GRM8: variants seen among roughly 807,000 people sequenced by gnomAD.
GRM8 encodes the protein metabotropic glutamate receptor 8.
In GRM8, 47 loss-of-function variants were observed where a neutral mutation model predicts 87.2. The observed-to-expected ratio is 0.54, with a 90% CI of 0.43 to 0.69. The LOEUF is 0.69. Among genes scored for constraint, GRM8 ranks in the 30% least tolerant of loss-of-function variants. The pLI is 0.00. For missense variants in GRM8, 1,019 were observed against 1,139.2 expected (o/e 0.89, Z 1.52); for synonymous variants, 396 against 404.5 (o/e 0.98, Z 0.25).
At chr7:126,730,432 C>T (rs1399357872) in intron 7 of GRM8, among the ~76,000 whole-genome samples, 1 of 152,074 alleles carries the variant, frequency 6.6e-6, no homozygotes, top group African/African-American at 2.4e-5. Context: ...ACCAGCTGGA[C>T]TGGAAATACA....
At chr7:126,995,079 C>A (rs952055751) in intron 3 of GRM8, among the ~76,000 whole-genome samples, 1 of 152,202 alleles carries the variant, frequency 6.6e-6, no homozygotes, top group Non-Finnish European at 1.5e-5. Context: ...AAGAAAGTAG[C>A]AGAAGATAAC....
intron 7 of GRM8, among the ~76,000 whole-genome samples, chr7:126,673,708 G>A (rs913410775): frequency 6.6e-6 from 1 of 152,120 alleles, no homozygotes; most frequent in Non-Finnish European, 1.5e-5. Flanking sequence ...TAACTTTTTA[G>A]TTGTTATTTT....
At chr7:126,496,145 T>G (rs1361264133) in intron 9 of GRM8, among the ~76,000 whole-genome samples, 2 of 151,706 alleles carry the variant, frequency 1.3e-5, no homozygotes, top group African/African-American at 4.8e-5. Context: ...AGAGATTTTA[T>G]TTTGGAAATA....
intron 7 of GRM8, among the ~76,000 whole-genome samples, chr7:126,731,074 A>T (rs1311552086): frequency 6.6e-6 from 1 of 152,148 alleles, no homozygotes; most frequent in Non-Finnish European, 1.5e-5. Flanking sequence ...AAGAATGAAG[A>T]CTTTAGATGA....
intron 7 of GRM8, among the ~76,000 whole-genome samples, chr7:126,703,718 C>G (rs764647030): frequency 1.3e-5 from 2 of 152,098 alleles, no homozygotes; most frequent in Non-Finnish European, 2.9e-5. Context: ...CTCTGCCATA[C>G]CTGGCTAATT....
chr7:126,852,814 A>G (rs1177841787), intron 6 of GRM8, among the ~76,000 whole-genome samples: 4 of 152,090 alleles, frequency 2.6e-5, no homozygotes, highest in African/African-American at 7.2e-5. Flanking sequence ...ATTTATTTTC[A>G]TATATTTGTA....
chr7:127,010,616 G>A (rs1814786919), intron 3 of GRM8, among the ~76,000 whole-genome samples: 1 of 152,074 alleles, frequency 6.6e-6, no homozygotes, highest in Admixed American at 6.6e-5. Flanking sequence ...TTATTAAAGT[G>A]GGACCATTAA....
chr7:126,916,307 T>C (rs1478626248), intron 3 of GRM8, among the ~76,000 whole-genome samples: 2 of 152,236 alleles, frequency 1.3e-5, no homozygotes, highest in Non-Finnish European at 2.9e-5. Context: ...TAGTGAAGCC[T>C]GATAGCTGTG....
chr7:126,860,561 A>G (rs1410845125), intron 6 of GRM8, among the ~76,000 whole-genome samples: 1 of 152,188 alleles, frequency 6.6e-6, no homozygotes, highest in Admixed American at 6.5e-5. Context: ...AACAATTACT[A>G]ATTAAAATGG....
chr7:126,457,090 T>C (rs1424248898), intron 9 of GRM8, among the ~76,000 whole-genome samples: 1 of 151,562 alleles, frequency 6.6e-6, no homozygotes, highest in Non-Finnish European at 1.5e-5. Flanking sequence ...TGTGTGTGTG[T>C]ATTGAAGTCA....
intron 9 of GRM8, among the ~76,000 whole-genome samples, chr7:126,528,478 T>C (rs1012006288): frequency 7.9e-5 from 12 of 152,266 alleles, no homozygotes; most frequent in African/African-American, 2.6e-4. Context: ...AACAGCCTAA[T>C]GGTGATGATA....
At chr7:126,857,022 T>C (rs1032080969) in intron 6 of GRM8, among the ~76,000 whole-genome samples, 2 of 152,232 alleles carry the variant, frequency 1.3e-5, no homozygotes, top group African/African-American at 2.4e-5. Flanking sequence ...AATTGCATGG[T>C]ACATTTACTC....
chr7:126,451,501 C>T (rs1404695426), intron 9 of GRM8, among the ~76,000 whole-genome samples: 3 of 151,626 alleles, frequency 2.0e-5, no homozygotes. Context: ...TTTCCTGCTG[C>T]CCTTGCTCTC....
At chr7:127,008,980 T>C (rs1210890586) in intron 3 of GRM8, among the ~76,000 whole-genome samples, 2 of 152,130 alleles carry the variant, frequency 1.3e-5, no homozygotes, top group East Asian at 1.9e-4. Flanking sequence ...TTCTAAATCA[T>C]ACACTTCATT....
intron 8 of GRM8, among the ~76,000 whole-genome samples, chr7:126,580,035 A>C (rs1795467536): frequency 6.6e-6 from 1 of 152,152 alleles, no homozygotes; most frequent in Admixed American, 6.6e-5. Flanking sequence ...AGTATTTTTA[A>C]ATTTTTTTCA....
At chr7:127,073,026 G>A (rs1001199845) in intron 3 of GRM8, among the ~76,000 whole-genome samples, 2 of 151,564 alleles carry the variant, frequency 1.3e-5, no homozygotes, top group Non-Finnish European at 2.9e-5. Context: ...AAAACTCTCA[G>A]AGGAGGGGAG....
rs116642775 is a variant in GRM8 at position 126,715,352 on chromosome 7, T to C, written c.1357+54513A>G. On this transcript the variant is annotated intron_variant, in intron 7 of 10. Coordinates refer to ENST00000339582, the MANE Select transcript of GRM8 (RefSeq NM_000845.3). Reference sequence around the variant, plus strand: ...AATTATTACAGTAGTACATATGTATTACTGTTCATTTCATGCAGTTATGAT... The same window carrying C: ...AATTATTACAGTAGTACATATGTATCACTGTTCATTTCATGCAGTTATGAT... Among the ~76,000 whole-genome samples the C allele has an allele frequency of 6.9e-3, 1,054 of 152,338 alleles. 17 individuals carry two copies. Among genetic ancestry groups the C allele is most frequent in the African/African-American group, 0.024 (995 of 41,566 alleles).
chr7:126,506,659 A>G (rs536188091), intron 9 of GRM8, among the ~76,000 whole-genome samples: 1 of 151,918 alleles, frequency 6.6e-6, no homozygotes, highest in South Asian at 2.1e-4. Context: ...CGCACCTGTA[A>G]CCCCAGCTAC....
chr7:126,937,683 A>T (rs1421663192), intron 3 of GRM8, among the ~76,000 whole-genome samples: 1 of 152,182 alleles, frequency 6.6e-6, no homozygotes, highest in African/African-American at 2.4e-5. Context: ...ACAACAACAA[A>T]GCGCTAACTC....
Sources: allele counts gnomAD v4.1 joint callset (sites outside exome capture counted in the v4.1 genomes callset), GRCh38; gene constraint gnomAD v4.1.1; transcripts MANE v1.5; gene names NCBI Gene and HGNC (gene_info 2026-07-23, HGNC 2026-07-21).